SFTPD: variants seen among roughly 807,000 people sequenced by gnomAD.
The protein encoded by SFTPD is surfactant protein D.
A neutral mutation model predicts 34.6 loss-of-function variants in SFTPD; 18 were observed. The ratio of observed to expected loss-of-function variants is 0.52; its 90% CI spans 0.36 to 0.77. The LOEUF is 0.77. Among genes scored for constraint, SFTPD ranks in the 30% least tolerant of loss-of-function variants. The pLI is 0.00. For missense variants in SFTPD, 433 were observed against 468.9 expected, an observed-to-expected ratio of 0.92 and a Z score of 0.71; for synonymous variants, 155 against 180.9, an observed-to-expected ratio of 0.86 and a Z score of 1.15.
At chr10:79,946,998 C>A (rs1211246269) in intron 1 of SFTPD, among the ~76,000 whole-genome samples, 1 of 152,242 alleles carries the variant, frequency 6.6e-6, no homozygotes, top group Non-Finnish European at 1.5e-5. Context: ...GGCCATCTGT[C>A]ACATCAAGAA....
At chr10:79,941,665 C>T (rs1842612907) in intron 5 of SFTPD, 151 bp from the exon 6 acceptor site, 1 of 644,656 alleles carries the variant, frequency 1.6e-6, no homozygotes, top group African/African-American at 1.8e-5. Context: ...TCCCTGTACA[C>T]TGACTGTCCC....
intron 1 of SFTPD, among the ~76,000 whole-genome samples, chr10:79,978,958 A>G (rs1220355161): frequency 6.6e-6 from 1 of 152,168 alleles, no homozygotes; most frequent in Non-Finnish European, 1.5e-5. Flanking sequence ...TAAACCCTAA[A>G]GACTCCACCA....
intron 1 of SFTPD, among the ~76,000 whole-genome samples, chr10:79,957,468 G>A (rs1042181501): frequency 3.9e-5 from 6 of 152,226 alleles, no homozygotes; most frequent in African/African-American, 9.6e-5. Flanking sequence ...AGCTGGTGGA[G>A]CTGAAAGCCA....
rs189987197 is a variant in SFTPD at position 79,965,560 on chromosome 10, T to A, written c.36+17015A>T. ...TTTTCTTTTTTTTTTTTTAATTTTT[T>A]ATTTTTTATTTTTTATTTTTAATGT... On this transcript the variant is annotated intron_variant, in intron 1 of 5. Transcript: ENST00000444384. 7.8e-3 allele frequency among the ~76,000 whole-genome samples: 759 copies of A among 97,860 alleles called. 23 individuals are homozygous for A. Among genetic ancestry groups the A allele is most frequent in the East Asian group, 0.032 (50 of 1,580 alleles). The allele number at this position is 97,860 out of a possible 152,430, so 64.2% of individuals were successfully genotyped here.
chr10:79,981,787 G>A, intron 1 of SFTPD: 1 of 177,986 alleles, frequency 5.6e-6, no homozygotes, highest in Non-Finnish European at 1.2e-5. Flanking sequence ...CCCAGAGGAG[G>A]CGGTGCCCGA....
intron 1 of SFTPD, chr10:79,970,894 A>T (rs1321733936): frequency 6.6e-6 from 1 of 152,166 alleles, no homozygotes; most frequent in African/African-American, 2.4e-5. Context: ...AACATCATCC[A>T]ATACTGGGTT....
At chr10:79,982,351 C>T in intron 1 of SFTPD, 4 of 1,008,258 alleles carry the variant, frequency 4.0e-6, no homozygotes, top group Admixed American at 4.4e-5. Flanking sequence ...CTGCGAAGGC[C>T]CTGGCAGCCC....
intron 1 of SFTPD, among the ~76,000 whole-genome samples, chr10:79,961,305 TTAAAC>T (rs1318778953): frequency 2.0e-5 from 3 of 152,120 alleles, no homozygotes; most frequent in Non-Finnish European, 4.4e-5. Flanking sequence ...TGGGATCTAA[TTAAAC>T]TAAAGAGCTT....
At chr10:79,952,081 G>T (rs1281656404), upstream of SFTPD, among the ~76,000 whole-genome samples, 1 of 152,242 alleles carries the variant, frequency 6.6e-6, no homozygotes, top group Non-Finnish European at 1.5e-5. Context: ...TGTGATGGAG[G>T]TCTGCAGAAA....
intron 2 of SFTPD, among the ~76,000 whole-genome samples, chr10:79,945,837 C>T (rs1473501031): frequency 2.0e-5 from 3 of 152,210 alleles, no homozygotes; most frequent in Non-Finnish European, 4.4e-5. Flanking sequence ...GTCCTTTCCA[C>T]CTCCAGAATG....
chr10:79,947,280 T>G (rs1842675315), intron 1 of SFTPD, among the ~76,000 whole-genome samples: 1 of 152,148 alleles, frequency 6.6e-6, no homozygotes, highest in Non-Finnish European at 1.5e-5. Context: ...AGGTGCTGTC[T>G]CTAGAGAAAA....
chr10:79,974,361 G>A (rs1294485005), intron 1 of SFTPD, among the ~76,000 whole-genome samples: 6 of 151,788 alleles, frequency 4.0e-5, no homozygotes, highest in South Asian at 4.2e-4. Context: ...TAGTAGAGAC[G>A]GGGTTTCTCG....
At chr10:79,974,204 G>A (rs960822371) in intron 1 of SFTPD, among the ~76,000 whole-genome samples, 12 of 152,078 alleles carry the variant, frequency 7.9e-5, no homozygotes, top group African/African-American at 2.9e-4. Flanking sequence ...GTCTTGCGCT[G>A]TTGCCCAGGC....
At chr10:79,970,155 T>C (rs1018509568) in intron 1 of SFTPD, 3 of 152,250 alleles carry the variant, frequency 2.0e-5, no homozygotes, top group African/African-American at 7.2e-5. Context: ...TTGAGTGTTC[T>C]TGGCATCTTT....
At chr10:79,977,209 T>C (rs1842868176) in intron 1 of SFTPD, among the ~76,000 whole-genome samples, 2 of 152,226 alleles carry the variant, frequency 1.3e-5, no homozygotes, top group Admixed American at 6.5e-5. Flanking sequence ...GCCAAGGATT[T>C]ATTCTTTAGC....
chr10:79,959,465 C>T (rs1589340081), intron 1 of SFTPD, among the ~76,000 whole-genome samples: 1 of 152,104 alleles, frequency 6.6e-6, no homozygotes, highest in Non-Finnish European at 1.5e-5. Flanking sequence ...AAGGGGATAT[C>T]ACCACCGATC....
intron 1 of SFTPD, among the ~76,000 whole-genome samples, chr10:79,974,329 A>G (rs1183664368): frequency 2.0e-5 from 3 of 151,344 alleles, no homozygotes; most frequent in Non-Finnish European, 4.4e-5. Context: ...CACCACGCCC[A>G]GCTAATTTTT....
At chr10:79,956,901 C>A (rs552087061) in intron 1 of SFTPD, among the ~76,000 whole-genome samples, 1 of 152,334 alleles carries the variant, frequency 6.6e-6, no homozygotes, top group African/African-American at 2.4e-5. Context: ...AGGCACCCCC[C>A]AGTAGGGACA....
intron 2 of SFTPD, among the ~76,000 whole-genome samples, chr10:79,943,854 C>T (rs1289919901): frequency 6.6e-6 from 1 of 152,236 alleles, no homozygotes; most frequent in Non-Finnish European, 1.5e-5. Context: ...GCAGGATGCC[C>T]TGACCCCATG....
Sources: allele counts gnomAD v4.1 joint callset (sites outside exome capture counted in the v4.1 genomes callset), GRCh38; gene constraint gnomAD v4.1.1; transcripts MANE v1.5; gene names NCBI Gene and HGNC (gene_info 2026-07-23, HGNC 2026-07-21).